RANBP17: variants seen among roughly 807,000 people sequenced by gnomAD.
RANBP17 encodes ran-binding protein 17.
A neutral mutation model predicts 141.2 loss-of-function variants in RANBP17; 158 were observed. That is an observed-to-expected ratio of 1.12 (90% CI 0.98 to 1.28). The LOEUF (loss-of-function observed/expected upper bound fraction) is 1.28. Ranked by LOEUF, RANBP17 falls within the 50% of genes most tolerant of loss-of-function variation. The probability of loss-of-function intolerance (pLI) is 0.00; values close to 1 mark genes in which losing one functional copy is unlikely to be tolerated. For missense variants in RANBP17, 1,438 were observed against 1,290.7 expected (o/e 1.11, Z -1.75); for synonymous variants, 430 against 450.0 (o/e 0.96, Z 0.56).
rs1266420897 is a variant in RANBP17, at chr5:171,183,200, T to C, written c.1899T>C (p.Asp633=). The C allele has an allele frequency of 6.3e-7, 1 of 1,583,586 alleles. No individual in the cohort carries two copies. The highest frequency in any genetic ancestry group is 1.1e-5 in the South Asian group (1 of 90,362). The change falls in exon 17 of 28, where the codon GAT becomes GAC. Residue 633 remains aspartate (D), a synonymous_variant. Coordinates refer to ENST00000523189, the MANE Select transcript of RANBP17 (RefSeq NM_022897.5). ...TTTTAAAAAAACTTGTGAAGATAGA[T>C]GCTGTGAAATTCATGCTAAAAAACC... ...YILLKKLVKI[D]AVKFMLKNHT...
At chr5:170,989,557 A>G (rs1778369072) in intron 14 of RANBP17, among the ~76,000 whole-genome samples, 2 of 151,722 alleles carry the variant, frequency 1.3e-5, no homozygotes, top group South Asian at 4.1e-4. Context: ...TTCTATACTA[A>G]TATGTTATAC....
At chr5:171,217,245 T>C (rs1318513087) in intron 21 of RANBP17, among the ~76,000 whole-genome samples, 1 of 152,242 alleles carries the variant, frequency 6.6e-6, no homozygotes, top group Non-Finnish European at 1.5e-5. Context: ...CAGCTTTGCA[T>C]CCCAGGGATA....
chr5:170,898,054 C>G (rs1214703315), intron 5 of RANBP17, among the ~76,000 whole-genome samples: 3 of 152,228 alleles, frequency 2.0e-5, no homozygotes, highest in African/African-American at 7.2e-5. Context: ...TATTTCTCCA[C>G]ATCCTCTCTA....
intron 14 of RANBP17, among the ~76,000 whole-genome samples, chr5:171,066,207 C>T (rs1784304190): frequency 6.6e-6 from 1 of 152,030 alleles, no homozygotes; most frequent in South Asian, 2.1e-4. Flanking sequence ...AAATTTGTTC[C>T]AAGCATGCAA....
intron 14 of RANBP17, among the ~76,000 whole-genome samples, chr5:171,117,153 C>T (rs1467367908): frequency 6.6e-6 from 1 of 152,124 alleles, no homozygotes; most frequent in Non-Finnish European, 1.5e-5. Context: ...ACAGATGTCC[C>T]TTTGATATAC....
chr5:170,928,360 C>CT (rs1317272780), intron 12 of RANBP17, among the ~76,000 whole-genome samples: 1 of 151,998 alleles, frequency 6.6e-6, no homozygotes, highest in Admixed American at 6.6e-5. Context: ...TGATGGTCTA[C>CT]TTTTTCACTT....
chr5:171,075,546 G>A (rs1186542873), intron 14 of RANBP17, among the ~76,000 whole-genome samples: 1 of 152,196 alleles, frequency 6.6e-6, no homozygotes, highest in Non-Finnish European at 1.5e-5. Context: ...GATACAGGGA[G>A]GCTTGGAGAA....
At chr5:170,937,222 C>A (rs1239960849) in intron 12 of RANBP17, among the ~76,000 whole-genome samples, 1 of 152,160 alleles carries the variant, frequency 6.6e-6, no homozygotes, top group African/African-American at 2.4e-5. Context: ...GTATGTAGTC[C>A]ACAAACCATG....
intron 12 of RANBP17, among the ~76,000 whole-genome samples, chr5:170,937,280 G>A (rs1459788793): frequency 2.0e-5 from 3 of 148,938 alleles, no homozygotes; most frequent in Non-Finnish European, 2.9e-5. Context: ...TAGCACTGAG[G>A]TCAAGTCAGA....
chr5:171,251,203 C>A (rs1342805861), intron 24 of RANBP17, among the ~76,000 whole-genome samples: 1 of 152,118 alleles, frequency 6.6e-6, no homozygotes, highest in African/African-American at 2.4e-5. Flanking sequence ...ATTCTCCTGC[C>A]TTAGCCTCCC....
chr5:171,220,371 A>G (rs1203028625), intron 21 of RANBP17, among the ~76,000 whole-genome samples: 1 of 142,736 alleles, frequency 7.0e-6, no homozygotes, highest in African/African-American at 2.7e-5. Context: ...CGCCTTCTGC[A>G]TTGGTCTCGC....
At chr5:171,189,936 G>GA (rs1276572069) in intron 18 of RANBP17, among the ~76,000 whole-genome samples, 2 of 150,232 alleles carry the variant, frequency 1.3e-5, no homozygotes, top group South Asian at 2.1e-4. Flanking sequence ...TATATTAAAT[G>GA]AAAAAAATAA....
intron 24 of RANBP17, among the ~76,000 whole-genome samples, chr5:171,246,111 C>A (rs985740330): frequency 5.9e-5 from 9 of 152,076 alleles, no homozygotes; most frequent in African/African-American, 2.2e-4. Flanking sequence ...AAACTCCTGA[C>A]CTCAAGTGAT....
chr5:170,864,561 C>T (rs1001326766), intron 1 of RANBP17, among the ~76,000 whole-genome samples: 2 of 152,106 alleles, frequency 1.3e-5, no homozygotes, highest in Non-Finnish European at 2.9e-5. Flanking sequence ...ATTAATGGGT[C>T]TGGATTCCCT....
chr5:171,053,764 G>C (rs1783123577), intron 14 of RANBP17, among the ~76,000 whole-genome samples: 1 of 150,790 alleles, frequency 6.6e-6, no homozygotes, highest in South Asian at 2.1e-4. Context: ...ATGTTGAATA[G>C]CAGTGGTGAA....
chr5:170,875,149 A>G, intron 1 of RANBP17, among the ~76,000 whole-genome samples: 1 of 152,154 alleles, frequency 6.6e-6, no homozygotes, highest in East Asian at 1.9e-4. Flanking sequence ...AATGTTGAAT[A>G]TTGGCCCCCA....
intron 24 of RANBP17, among the ~76,000 whole-genome samples, chr5:171,246,560 G>A (rs1308802220): frequency 1.3e-5 from 2 of 152,130 alleles, no homozygotes; most frequent in East Asian, 3.9e-4. Flanking sequence ...AATTCTTCAT[G>A]GAATAAGAAG....
chr5:171,121,732 T>G (rs1306265910), intron 14 of RANBP17, among the ~76,000 whole-genome samples: 1 of 152,036 alleles, frequency 6.6e-6, no homozygotes, highest in African/African-American at 2.4e-5. Context: ...TCCATGCAAC[T>G]AGGTTTGTGG....
intron 14 of RANBP17, among the ~76,000 whole-genome samples, chr5:171,086,173 AG>A (rs1785635791): frequency 7.1e-6 from 1 of 140,028 alleles, no homozygotes; most frequent in Non-Finnish European, 1.5e-5. Flanking sequence ...TTTAGCATGA[AG>A]GGTTGTTGAA....
Sources: allele counts gnomAD v4.1 joint callset (sites outside exome capture counted in the v4.1 genomes callset), GRCh38; gene constraint gnomAD v4.1.1; transcripts MANE v1.5; gene names NCBI Gene and HGNC (gene_info 2026-07-23, HGNC 2026-07-21).